CRISPLD2: variants seen among roughly 807,000 people sequenced by gnomAD.
The protein encoded by CRISPLD2 is cysteine rich secretory protein LCCL domain containing 2.
Under a neutral mutation model 71.1 loss-of-function variants are expected in CRISPLD2, and 47 were observed. That is an observed-to-expected ratio of 0.66 (90% CI 0.52 to 0.84). The LOEUF (loss-of-function observed/expected upper bound fraction) is 0.84, where lower values mean the gene tolerates loss of function less well. Among genes scored for constraint, CRISPLD2 ranks in the 40% least tolerant of loss-of-function variants. The pLI is 0.00. For synonymous variants in CRISPLD2, 317 were observed against 250.1 expected, an observed-to-expected ratio of 1.27 and a Z score of -2.52; for missense variants, 830 against 651.1, an observed-to-expected ratio of 1.27 and a Z score of -2.99.
intron 4 of CRISPLD2, 33 bp downstream of exon 4, chr16:84,849,550 G>GC: frequency 6.2e-7 from 1 of 1,605,256 alleles, no homozygotes; most frequent in Non-Finnish European, 8.5e-7. Context: ...CCTCAGCCCT[G>GC]CCCCCCAATC....
intron 7 of CRISPLD2, 125 bp downstream of exon 7, chr16:84,867,165 C>G (rs530671290): frequency 1.3e-5 from 12 of 952,944 alleles, no homozygotes; most frequent in Non-Finnish European, 1.7e-5. Flanking sequence ...AAACAGGGTG[C>G]GGCGAAGCTC....
chr16:84,899,333 G>C (rs141986804), intron 14 of CRISPLD2, among the ~76,000 whole-genome samples: 9 of 151,856 alleles, frequency 5.9e-5, no homozygotes, highest in African/African-American at 1.7e-4. Flanking sequence ...GCATGTATGG[G>C]AGTTACAAGC....
At chr16:84,829,700 G>C in intron 1 of CRISPLD2, among the ~76,000 whole-genome samples, 1 of 152,246 alleles carries the variant, frequency 6.6e-6, no homozygotes, top group Admixed American at 6.5e-5. Context: ...TAAGTGACCA[G>C]GGCGTAGTGA....
At chr16:84,873,988 A>G (rs2071497975) in intron 11 of CRISPLD2, 25 bp downstream of exon 11, 1 of 1,579,940 alleles carries the variant, frequency 6.3e-7, no homozygotes, top group African/African-American at 1.4e-5. Flanking sequence ...CTCTTTTGCG[A>G]CCATAATACC....
At chr16:84,877,195 A>G (rs1414538723) in intron 11 of CRISPLD2, among the ~76,000 whole-genome samples, 1 of 152,224 alleles carries the variant, frequency 6.6e-6, no homozygotes, top group East Asian at 1.9e-4. Flanking sequence ...TCAGCCCCAC[A>G]GAGAAACCAC....
chr16:84,832,818 C>A (rs561687034), intron 1 of CRISPLD2, among the ~76,000 whole-genome samples: 1 of 152,222 alleles, frequency 6.6e-6, no homozygotes, highest in Non-Finnish European at 1.5e-5. Context: ...AGGCCAATGA[C>A]GCAATGAGCT....
intron 6 of CRISPLD2, among the ~76,000 whole-genome samples, chr16:84,865,042 G>A (rs1191499644): frequency 1.3e-5 from 2 of 152,178 alleles, no homozygotes; most frequent in Admixed American, 1.3e-4. Context: ...TCGTTTGGCT[G>A]TTTGGTATTG....
intron 4 of CRISPLD2, 69 bp downstream of exon 4, chr16:84,849,586 G>T: frequency 7.2e-7 from 1 of 1,389,406 alleles, no homozygotes; most frequent in South Asian, 1.2e-5. Flanking sequence ...CTGCCCCTGG[G>T]GGATTGTCAA....
At chr16:84,838,178 G>C (rs141082249) in intron 1 of CRISPLD2, among the ~76,000 whole-genome samples, 46 of 152,274 alleles carry the variant, frequency 3.0e-4, no homozygotes, top group African/African-American at 1.1e-3. Flanking sequence ...CTTGAGTCCA[G>C]GAAGAACTGT....
chr16:84,887,469 T>G (rs1022520151), intron 13 of CRISPLD2, among the ~76,000 whole-genome samples: 2 of 152,230 alleles, frequency 1.3e-5, no homozygotes, highest in Non-Finnish European at 2.9e-5. Flanking sequence ...CTTTTCATCT[T>G]TCCTTAAATT....
intron 14 of CRISPLD2, among the ~76,000 whole-genome samples, chr16:84,903,211 C>G (rs964542439): frequency 3.3e-5 from 5 of 152,186 alleles, no homozygotes; most frequent in African/African-American, 1.2e-4. Flanking sequence ...CTCCCACCTT[C>G]CGGGTCTCCT....
At position 84,906,757 on chromosome 16, in the gene CRISPLD2, G is replaced by C. The variant is rs200918687; in HGVS notation, c.*115G>C. 3.4e-6 allele frequency: 4 copies of C among 1,175,040 alleles called. No homozygotes were observed. Among genetic ancestry groups the C allele is most frequent in the Non-Finnish European group, 5.1e-6 (4 of 787,306 alleles). The allele number at this position is 1,175,040 out of a possible 1,614,324, so 72.8% of individuals were successfully genotyped here. ...AGTCAGGAAACTTCCTTTGACTGAT[G>C]TTCAGTGTCCATCACTTTGTGGCCT... On this transcript the variant is annotated 3_prime_UTR_variant, in exon 15 of 15. Transcript: ENST00000262424.
At chr16:84,886,466 C>T (rs566956914) in intron 13 of CRISPLD2, among the ~76,000 whole-genome samples, 23 of 152,228 alleles carry the variant, frequency 1.5e-4, no homozygotes, top group Admixed American at 1.0e-3. Context: ...GCACTGATTA[C>T]TTCTGCAATG....
intron 12 of CRISPLD2, among the ~76,000 whole-genome samples, chr16:84,878,670 C>T (rs573068573): frequency 7.2e-5 from 11 of 152,310 alleles, no homozygotes; most frequent in East Asian, 3.9e-4. Context: ...GAACAGCTGT[C>T]GCTGAAGTTC....
At chr16:84,855,166 G>T (rs146578483) in intron 6 of CRISPLD2, among the ~76,000 whole-genome samples, 1 of 152,116 alleles carries the variant, frequency 6.6e-6, no homozygotes, top group Non-Finnish European at 1.5e-5. Context: ...AATAGGCCAC[G>T]GGCTGGACAT....
At chr16:84,835,803 C>G (rs1205774888) in intron 1 of CRISPLD2, among the ~76,000 whole-genome samples, 1 of 152,242 alleles carries the variant, frequency 6.6e-6, no homozygotes, top group East Asian at 1.9e-4. Context: ...ACATTCAGAA[C>G]AAAGGCGGCC....
At chr16:84,831,335 A>G (rs1394314278) in intron 1 of CRISPLD2, among the ~76,000 whole-genome samples, 3 of 152,214 alleles carry the variant, frequency 2.0e-5, no homozygotes, top group Non-Finnish European at 4.4e-5. Context: ...CTCAAGGTAT[A>G]TACAGAGCTA....
chr16:84,862,327 C>T (rs1025390838), intron 6 of CRISPLD2, among the ~76,000 whole-genome samples: 4 of 152,046 alleles, frequency 2.6e-5, no homozygotes, highest in African/African-American at 9.7e-5. Context: ...CTCAGCCTCC[C>T]GAGTAGCTGG....
chr16:84,901,025 AC>A (rs2071748951), intron 14 of CRISPLD2, among the ~76,000 whole-genome samples: 1 of 142,756 alleles, frequency 7.0e-6, no homozygotes, highest in Admixed American at 6.8e-5. Context: ...ACACACACAC[AC>A]ACACACACAC....
Sources: gnomAD v4.1 joint callset for allele counts (sites outside exome capture counted in the v4.1 genomes callset) on GRCh38, gnomAD v4.1.1 for gene constraint, MANE v1.5 for transcripts, NCBI Gene and HGNC (gene_info 2026-07-23, HGNC 2026-07-21) for gene names.